Variants in THADA observed in about 807,000 individuals in gnomAD.
The protein encoded by THADA is tRNA (32-2'-O)-methyltransferase regulator THADA.
THADA carries 213 observed loss-of-function variants against 219.8 expected under a neutral mutation model. The observed-to-expected ratio is 0.97, with a 90% CI of 0.87 to 1.09. THADA has a LOEUF of 1.09. Ranked by LOEUF, THADA falls within the 50% of genes least tolerant of loss-of-function variation. THADA has a pLI of 0.00. For missense variants in THADA, 2,956 were observed against 2,311.3 expected (o/e 1.28, Z -5.72); for synonymous variants, 1,018 against 828.9 (o/e 1.23, Z -3.92).
At chr2:43,514,627 T>C (rs1260600111) in intron 22 of THADA, among the ~76,000 whole-genome samples, 4 of 103,310 alleles carry the variant, frequency 3.9e-5, no homozygotes, top group Non-Finnish European at 5.2e-5. Flanking sequence ...ATTTTATATA[T>C]ATGTATATTT....
intron 26 of THADA, among the ~76,000 whole-genome samples, chr2:43,431,080 A>T (rs1432982764): frequency 6.6e-6 from 1 of 152,206 alleles, no homozygotes; most frequent in African/African-American, 2.4e-5. Context: ...CAAGCTAAAT[A>T]TGGCATTTAG....
At chr2:43,240,279 G>A (rs577683248) in intron 36 of THADA, among the ~76,000 whole-genome samples, 68 of 152,320 alleles carry the variant, frequency 4.5e-4, no homozygotes, top group African/African-American at 1.6e-3. Flanking sequence ...AGCAAAGGCA[G>A]CGTCTGACGG....
At chr2:43,257,542 C>T (rs1670468861) in intron 36 of THADA, among the ~76,000 whole-genome samples, 1 of 152,254 alleles carries the variant, frequency 6.6e-6, no homozygotes, top group African/African-American at 2.4e-5. Flanking sequence ...ACTCGACCAC[C>T]TCAGTCTATC....
intron 28 of THADA, among the ~76,000 whole-genome samples, chr2:43,410,978 G>A (rs1180711938): frequency 6.6e-6 from 1 of 152,142 alleles, no homozygotes; most frequent in Non-Finnish European, 1.5e-5. Context: ...AACATCTCAA[G>A]TCTTCTCTTC....
intron 26 of THADA, among the ~76,000 whole-genome samples, chr2:43,460,404 T>G (rs891972409): frequency 1.3e-4 from 20 of 152,032 alleles, no homozygotes; most frequent in Admixed American, 1.0e-3. Context: ...ATGCAAAGAT[T>G]TGGAAAATAC....
At chr2:43,376,020 T>C (rs78646880) in intron 29 of THADA, among the ~76,000 whole-genome samples, 1 of 152,318 alleles carries the variant, frequency 6.6e-6, no homozygotes, top group East Asian at 1.9e-4. Context: ...CAGATAAACA[T>C]TGTGAAACCC....
intron 29 of THADA, among the ~76,000 whole-genome samples, chr2:43,369,859 G>C (rs1385647178): frequency 6.6e-6 from 1 of 152,344 alleles, no homozygotes; most frequent in South Asian, 2.1e-4. Context: ...CAGCCATGCT[G>C]TGAGTATGGA....
rs191089865 is a variant in THADA, at chr2:43,427,197, T to G, written c.4058+903A>C. On this transcript the variant is annotated intron_variant, in intron 28 of 37. Transcript: ENST00000405975. ...CACCGGCTCGCAGACTCTTCCAGAG[T>G]GAAGAGGCAGATGTCCTGACATCCT... Among the ~76,000 whole-genome samples, 137 of 152,144 alleles carry G rather than the reference T, an allele frequency of 9.0e-4. 2 individuals are homozygous for G. Among genetic ancestry groups the G allele is most frequent in the Middle Eastern group, 3.4e-3 (1 of 294 alleles).
In THADA at chr2:43,570,388, C is replaced by T. The variant is rs755535860; in HGVS notation, c.2187G>A (p.Lys729=). Residue 729 remains lysine, a splice_region_variant and synonymous_variant, in exon 14 of 38, where the codon AAG becomes AAA. Transcript: ENST00000405975. ...QHPSVSLQQY[K]NFMSSICNSL... Reference sequence around the variant, plus strand: ...TCATGTTTAGAAATATATCACCTACCTTATACTGCTGTAAAGAAACAGAAG... The same window carrying T: ...TCATGTTTAGAAATATATCACCTACTTTATACTGCTGTAAAGAAACAGAAG... 5 of 1,607,820 alleles carry T rather than the reference C, an allele frequency of 3.1e-6. No homozygotes were observed. The South Asian group carries it at 5.6e-5, about 18-fold the overall frequency.
chr2:43,377,310 A>C (rs1426561434), intron 29 of THADA, among the ~76,000 whole-genome samples: 4 of 152,230 alleles, frequency 2.6e-5, no homozygotes, highest in Non-Finnish European at 5.9e-5. Context: ...TAACTAATTC[A>C]CAACAAGGGA....
chr2:43,349,910 A>G (rs985308758), intron 29 of THADA, among the ~76,000 whole-genome samples: 7 of 152,198 alleles, frequency 4.6e-5, no homozygotes, highest in African/African-American at 1.4e-4. Context: ...AAATTTCTGT[A>G]TCTGCCATTT....
chr2:43,422,136 G>A (rs1573564784), intron 28 of THADA, among the ~76,000 whole-genome samples: 2 of 152,166 alleles, frequency 1.3e-5, no homozygotes, highest in African/African-American at 4.8e-5. Context: ...TTTTGCTGAT[G>A]GGCAAACTCA....
intron 28 of THADA, among the ~76,000 whole-genome samples, chr2:43,411,141 C>T (rs1676245391): frequency 6.6e-6 from 1 of 152,188 alleles, no homozygotes; most frequent in Admixed American, 6.5e-5. Context: ...GGACAATGTT[C>T]TGAATCTTTC....
At chr2:43,374,412 T>A (rs570272196) in intron 29 of THADA, among the ~76,000 whole-genome samples, 1 of 152,326 alleles carries the variant, frequency 6.6e-6, no homozygotes, top group African/African-American at 2.4e-5. Context: ...AGAACCGTTA[T>A]GAGGATTCAA....
intron 35 of THADA, among the ~76,000 whole-genome samples, chr2:43,283,941 G>A (rs1673675816): frequency 6.6e-6 from 1 of 152,218 alleles, no homozygotes; most frequent in South Asian, 2.1e-4. Flanking sequence ...CACTTTGGGA[G>A]GCTGAGATGG....
At chr2:43,419,027 C>T (rs1271315915) in intron 28 of THADA, among the ~76,000 whole-genome samples, 2 of 152,112 alleles carry the variant, frequency 1.3e-5, no homozygotes, top group Admixed American at 1.3e-4. Flanking sequence ...ACCACCTTTT[C>T]CTAGAGCCTG....
intron 26 of THADA, among the ~76,000 whole-genome samples, chr2:43,459,752 A>G (rs1429337220): frequency 6.6e-6 from 1 of 152,198 alleles, no homozygotes; most frequent in African/African-American, 2.4e-5. Context: ...AAAATCTCTC[A>G]GAGTCTGGCC....
intron 29 of THADA, 125 bp downstream of exon 29, chr2:43,397,843 GAAA>G: frequency 1.2e-6 from 1 of 855,224 alleles, no homozygotes; most frequent in South Asian, 2.1e-5. Flanking sequence ...TTCGGAAGTA[GAAA>G]AAAAAAAGTT....
chr2:43,583,702 T>A (rs143875150), intron 7 of THADA, among the ~76,000 whole-genome samples: 1 of 152,064 alleles, frequency 6.6e-6, no homozygotes, highest in Non-Finnish European at 1.5e-5. Flanking sequence ...GGTCTAAACA[T>A]ACAATGGGAT....
Sources: gnomAD v4.1 joint callset for allele counts (sites outside exome capture counted in the v4.1 genomes callset) on GRCh38, gnomAD v4.1.1 for gene constraint, MANE v1.5 for transcripts, NCBI Gene and HGNC (gene_info 2026-07-23, HGNC 2026-07-21) for gene names.